Variants in ICA1 observed in about 807,000 individuals in gnomAD.
ICA1 encodes the protein islet cell autoantigen 1, also known as 69 kDa islet cell autoantigen.
A neutral mutation model predicts 71.0 loss-of-function variants in ICA1; 40 were observed. That is an observed-to-expected ratio of 0.56 (90% CI 0.44 to 0.73). The LOEUF (loss-of-function observed/expected upper bound fraction) is 0.73, where lower values mean the gene tolerates loss of function less well. Ranked by LOEUF, ICA1 falls within the 30% of genes least tolerant of loss-of-function variation. The pLI, the probability that ICA1 is intolerant of heterozygous loss-of-function variation, is 0.00. For missense variants in ICA1, 578 were observed against 576.5 expected (o/e 1.00, Z -0.03); for synonymous variants, 207 against 209.5 (o/e 0.99, Z 0.10).
chr7:8,114,659 T>C (rs1784217158), intron 13 of ICA1, among the ~76,000 whole-genome samples: 1 of 152,208 alleles, frequency 6.6e-6, no homozygotes, highest in Non-Finnish European at 1.5e-5. Flanking sequence ...ATTGGAATAC[T>C]CCCTTCTGCT....
rs571300696 is a variant in ICA1, at chr7:8,159,932, T to C, written c.580-1280A>G. Among the ~76,000 whole-genome samples the C allele has an allele frequency of 2.0e-5, 3 of 152,270 alleles. No individual in the cohort carries two copies. In the South Asian group the frequency reaches 6.2e-4, roughly 32 times the overall value. The stretch of plus-strand genomic sequence containing the variant: ...AATATTAATTTATCTCAGATCATCG[T>C]AAAGTTATAGATACTAGATAGGTTA... On this transcript the variant is annotated intron_variant, in intron 6 of 13. Transcript: ENST00000402384.
chr7:8,160,055 C>T (rs1462038118), intron 6 of ICA1, among the ~76,000 whole-genome samples: 1 of 152,108 alleles, frequency 6.6e-6, no homozygotes, highest in Non-Finnish European at 1.5e-5. Context: ...ATTATATTGC[C>T]TAGCAACCTG....
intron 6 of ICA1, among the ~76,000 whole-genome samples, chr7:8,163,058 C>T (rs370681886): frequency 6.6e-6 from 1 of 152,242 alleles, no homozygotes; most frequent in South Asian, 2.1e-4. Flanking sequence ...GCCACTGCGC[C>T]TAGTCTAATG....
chr7:8,257,788 G>A (rs1169243448), intron 1 of ICA1, among the ~76,000 whole-genome samples: 1 of 152,138 alleles, frequency 6.6e-6, no homozygotes, highest in East Asian at 1.9e-4. Flanking sequence ...TCAGTCCTGT[G>A]CTTACACTAA....
chr7:8,213,875 GA>G (rs3837121), intron 6 of ICA1, among the ~76,000 whole-genome samples: 29,165 of 152,010 alleles, frequency 0.19, 2,917 homozygotes, highest in East Asian at 0.33. Flanking sequence ...ATTAGTGCAT[GA>G]ACAGTCTCCA....
chr7:8,163,898 A>G (rs182472663), intron 6 of ICA1, among the ~76,000 whole-genome samples: 1 of 152,280 alleles, frequency 6.6e-6, no homozygotes, highest in Non-Finnish European at 1.5e-5. Context: ...TTATCCTGGA[A>G]TAGCAGAAAA....
intron 6 of ICA1, among the ~76,000 whole-genome samples, chr7:8,204,086 T>C (rs1406196830): frequency 1.3e-5 from 2 of 151,386 alleles, no homozygotes; most frequent in South Asian, 2.1e-4. Flanking sequence ...AAAGCCCAAA[T>C]ACTCCTTAAG....
intron 12 of ICA1, among the ~76,000 whole-genome samples, chr7:8,129,164 T>C (rs998466713): frequency 6.6e-6 from 1 of 152,306 alleles, no homozygotes; most frequent in South Asian, 2.1e-4. Flanking sequence ...AACCAAAGAC[T>C]GATGGTGTTA....
chr7:8,175,836 C>T lies in ICA1; in HGVS notation c.580-17184G>A, dbSNP rs192552783. ...CAAAATCTCAAAATAATTATCTCAA[C>T]GATGATTCAGGAGAATTGGGCACTC... is the stretch of plus-strand genomic sequence containing the variant. On this transcript the variant is annotated intron_variant, in intron 6 of 13. Coordinates refer to ENST00000402384, the MANE Select transcript of ICA1 (RefSeq NM_001136020.3). Among the ~76,000 whole-genome samples, 375 of 152,244 alleles carry T rather than the reference C, an allele frequency of 2.5e-3. 3 individuals are homozygous for T. Among genetic ancestry groups the T allele is most frequent in the Non-Finnish European group, 3.9e-3 (268 of 68,024 alleles).
In ICA1 at chr7:8,127,890, A is replaced by G. The variant is rs544648114; in HGVS notation, c.1313T>C (p.Leu438Ser). ...SQLLDQNMKD[L>S]QASLQEPAKA... Reference sequence around the variant, plus strand: ...TTACCTACCTTGTAGCGAGGCCTGTAAGTCTTTCATATTTTGGTCTAAAAG... The same window carrying G: ...TTACCTACCTTGTAGCGAGGCCTGTGAGTCTTTCATATTTTGGTCTAAAAG... Residue 438 changes from leucine (L) to serine (S), a missense_variant, in exon 13 of 14, where the codon TTA becomes TCA. Coordinates refer to ENST00000402384, the MANE Select transcript of ICA1 (RefSeq NM_001136020.3). The G allele has an allele frequency of 5.0e-6, 8 of 1,613,966 alleles. No homozygotes were observed. The African/African-American group carries it at 9.3e-5, about 19-fold the overall frequency.
At chr7:8,220,611 G>A (rs1054273130) in intron 5 of ICA1, among the ~76,000 whole-genome samples, 1 of 151,950 alleles carries the variant, frequency 6.6e-6, no homozygotes, top group Non-Finnish European at 1.5e-5. Context: ...AGGGGCTCCT[G>A]CTTATTTAAC....
chr7:8,214,534 C>T (rs1245015662), intron 6 of ICA1, among the ~76,000 whole-genome samples: 2 of 152,150 alleles, frequency 1.3e-5, no homozygotes, highest in African/African-American at 4.8e-5. Context: ...TATGTGCAGC[C>T]ACACTCTCCA....
At chr7:8,203,440 C>G (rs1276082264) in intron 6 of ICA1, among the ~76,000 whole-genome samples, 1 of 152,166 alleles carries the variant, frequency 6.6e-6, no homozygotes, top group Non-Finnish European at 1.5e-5. Context: ...ATGGATCAGT[C>G]ATCATCATGA....
rs116732522 is a variant in ICA1, at chr7:8,174,925, G to C, written c.580-16273C>G. The stretch of plus-strand genomic sequence containing the variant: ...AAGAAACCGAAGAATGAGTGAGAAA[G>C]ACTTTAAACCAAGGCCAGGGAGAAA... On this transcript the variant is annotated intron_variant, in intron 6 of 13. Coordinates refer to ENST00000402384, the MANE Select transcript of ICA1 (RefSeq NM_001136020.3). Among the ~76,000 whole-genome samples, 429 of 152,238 alleles carry C rather than the reference G, an allele frequency of 2.8e-3. 4 individuals carry two copies. Among genetic ancestry groups the C allele is most frequent in the African/African-American group, 9.9e-3 (412 of 41,546 alleles).
At chr7:8,161,635 G>C (rs985316952) in intron 6 of ICA1, among the ~76,000 whole-genome samples, 2 of 152,196 alleles carry the variant, frequency 1.3e-5, no homozygotes, top group African/African-American at 2.4e-5. Flanking sequence ...CAGCTGGAGG[G>C]GGGTGAGAAA....
chr7:8,231,559 T>C (rs1465679771), intron 3 of ICA1, among the ~76,000 whole-genome samples: 1 of 152,214 alleles, frequency 6.6e-6, no homozygotes, highest in Non-Finnish European at 1.5e-5. Context: ...CTCTATTTCA[T>C]GCATTAAGAA....
intron 6 of ICA1, among the ~76,000 whole-genome samples, chr7:8,209,302 T>C (rs982574314): frequency 6.6e-6 from 1 of 152,220 alleles, no homozygotes; most frequent in African/African-American, 2.4e-5. Flanking sequence ...GCCAACATAT[T>C]AGCATTTATA....
At chr7:8,136,033 C>T (rs1361621546) in intron 12 of ICA1, among the ~76,000 whole-genome samples, 1 of 152,172 alleles carries the variant, frequency 6.6e-6, no homozygotes, top group African/African-American at 2.4e-5. Context: ...TCACGTGTCT[C>T]AAAATGTCAC....
intron 4 of ICA1, among the ~76,000 whole-genome samples, chr7:8,221,916 G>A (rs1797228313): frequency 6.6e-6 from 1 of 152,090 alleles, no homozygotes; most frequent in Non-Finnish European, 1.5e-5. Flanking sequence ...AGGGTGGGGA[G>A]GTCATCAGGT....
Sources: gnomAD v4.1 joint callset for allele counts (sites outside exome capture counted in the v4.1 genomes callset) on GRCh38, gnomAD v4.1.1 for gene constraint, MANE v1.5 for transcripts, NCBI Gene and HGNC (gene_info 2026-07-23, HGNC 2026-07-21) for gene names.